KNL1: variants seen among roughly 807,000 people sequenced by gnomAD.
KNL1 encodes kinetochore scaffold 1.
KNL1 carries 66 observed loss-of-function variants against 201.3 expected under a neutral mutation model. The observed-to-expected ratio is 0.33, with a 90% CI of 0.27 to 0.40. KNL1 has a LOEUF of 0.40. Among genes scored for constraint, KNL1 ranks in the 10% least tolerant of loss-of-function variants. The pLI is 1.00. For synonymous variants in KNL1, 895 were observed against 899.2 expected (o/e 1.00, Z 0.08); for missense variants, 2,815 against 2,690.5 (o/e 1.05, Z -1.02).
In KNL1 at chr15:40,620,627, G is replaced by T; in HGVS notation, c.376-13G>T. 6.7e-7 allele frequency: 1 copy of T among 1,502,198 alleles called. No individual in the cohort carries two copies. The highest frequency in any genetic ancestry group is 8.9e-7 in the Non-Finnish European group (1 of 1,119,426). 93.1% of individuals were successfully genotyped at this position (1,502,198 alleles called of 1,614,324 possible). A position where few individuals can be genotyped will look rare whatever the true frequency, so the allele number is the denominator to read the frequency against. On this transcript the variant is annotated splice_polypyrimidine_tract_variant and intron_variant, in intron 9 of 25. Transcript: ENST00000399668. ...CTTTTGTTCTGATCTCTTATATTTT[G>T]CTTTCATTATAGTTTTCAATTATAG...
In KNL1 at chr15:40,663,605, A is replaced by T. The variant is rs1893975035; in HGVS notation, c.*1417A>T. On this transcript the variant is annotated 3_prime_UTR_variant, in exon 26 of 26. Transcript: ENST00000399668. ...CGTCAAACAATGTCACATCCAAAAC[A>T]CTAGTTTCATCAATTTCTAGCAGTA... 5.2e-6 allele frequency: 1 copy of T among 192,558 alleles called. No homozygotes were observed. The highest frequency in any genetic ancestry group is 2.3e-5 in the African/African-American group (1 of 43,086). The allele number at this position is 192,558 out of a possible 1,614,324, so 11.9% of individuals were successfully genotyped here.
At chr15:40,630,202 G>A (rs926831906) in intron 13 of KNL1, among the ~76,000 whole-genome samples, 2 of 152,088 alleles carry the variant, frequency 1.3e-5, no homozygotes, top group African/African-American at 4.8e-5. Context: ...TACAATCAAC[G>A]CTTTCAATTG....
intron 14 of KNL1, among the ~76,000 whole-genome samples, chr15:40,641,782 G>C (rs756740481): frequency 1.3e-4 from 20 of 152,194 alleles, no homozygotes; most frequent in Non-Finnish European, 2.1e-4. Context: ...TCTATATATA[G>C]TGCCTGAAAT....
rs1892508286 is a variant in KNL1, at chr15:40,621,106, T to A, written c.842T>A (p.Met281Lys). The A allele has an allele frequency of 1.9e-6, 3 of 1,613,586 alleles. No individual in the cohort carries two copies. Among genetic ancestry groups the A allele is most frequent in the Non-Finnish European group, 2.5e-6 (3 of 1,179,736 alleles). The change falls in exon 10 of 26, where the codon ATG (methionine) becomes AAG (lysine). Residue 281 changes from methionine to lysine, a missense_variant. Physicochemically the swap from Met to Lys is moderately conservative, Grantham distance 95. Around this residue, in one of 3 missense-constraint regions of KNL1, gnomAD observed 2,464 missense variants for 2,291.7 expected, o/e 1.08. Transcript: ENST00000399668. ...TRLFREKDDG[M>K]NFTQCHTANI... ...CTCTTTAGAGAAAAAGATGATGGGA[T>A]GAATTTCACCCAGTGTCATACAGCC...
intron 1 of KNL1, among the ~76,000 whole-genome samples, chr15:40,599,582 C>T (rs977461805): frequency 1.5e-4 from 22 of 151,678 alleles, no homozygotes; most frequent in African/African-American, 5.1e-4. Context: ...TGGGGTTTTG[C>T]CGTGTTGTCC....
At chr15:40,638,267 G>A (rs1893118966) in intron 13 of KNL1, among the ~76,000 whole-genome samples, 1 of 116,898 alleles carries the variant, frequency 8.6e-6, no homozygotes, top group Admixed American at 8.7e-5. Context: ...AGGGGGAGGG[G>A]GAAGGAAGGG....
Position 40,621,764 on chromosome 15 carries a change from A to G in KNL1, c.1500A>G (p.Lys500=), listed in dbSNP as rs1471691526. 1 of 1,613,916 alleles carries G rather than the reference A, an allele frequency of 6.2e-7. No homozygotes were observed. Among genetic ancestry groups the G allele is most frequent in the East Asian group, 2.2e-5 (1 of 44,890 alleles). Residue 500 remains lysine, a synonymous_variant, in exon 10 of 26, where the codon AAA becomes AAG. Transcript: ENST00000399668. ...HTVAIDNQIF[K]QDQSNVQIAA... The stretch of plus-strand genomic sequence containing the variant: ...TTGCAATAGATAATCAAATTTTTAA[A>G]CAAGATCAATCAAATGTGCAAATAG...
chr15:40,643,549 G>T (rs754758218), intron 14 of KNL1, among the ~76,000 whole-genome samples: 1 of 152,192 alleles, frequency 6.6e-6, no homozygotes, highest in Non-Finnish European at 1.5e-5. Context: ...GGAGGCTAAG[G>T]CAAGAGAATT....
Position 40,621,031 on chromosome 15 carries a change from A to T in KNL1, c.767A>T (p.Gln256Leu), listed in dbSNP as rs757868685. ...KEPNSASSTH[Q>L]MHVSLKEDEN... ...CCGAACAGTGCCTCTTCTACACATC[A>T]AATGCATGTATCTCTTAAGGAAGAT... Residue 256 changes from glutamine (Q) to leucine (L), a missense_variant, in exon 10 of 26, where the codon CAA (glutamine) becomes CTA (leucine). Physicochemically the swap from Gln to Leu is moderately radical, Grantham distance 113. This residue lies in a region of KNL1 where 2,464 missense variants were observed against 2,291.7 expected (regional missense o/e 1.08). Coordinates refer to ENST00000399668, the MANE Select transcript of KNL1 (RefSeq NM_144508.5). 1 of 1,607,660 alleles carries T rather than the reference A, an allele frequency of 6.2e-7. No homozygotes were observed.
Position 40,610,306 on chromosome 15 carries a change from GT to G in KNL1, c.250+11del. On this transcript the variant is annotated intron_variant, in intron 6 of 25. Coordinates refer to ENST00000399668, the MANE Select transcript of KNL1 (RefSeq NM_144508.5). ...AAAGTCAGAAATGGAAGGTAAGTAT[GT>G]TACTATAATTCCTGCTAAATCTGCT... is the stretch of plus-strand genomic sequence containing the variant. 1 of 1,420,248 alleles carries G rather than the reference GT, an allele frequency of 7.0e-7. No individual in the cohort carries two copies. The highest frequency in any genetic ancestry group is 9.9e-7 in the Non-Finnish European group (1 of 1,006,176). 88.0% of individuals were successfully genotyped at this position (1,420,248 alleles called of 1,614,324 possible).
chr15:40,605,014 AC>A, intron 2 of KNL1, 95 bp from the exon 3 acceptor site: 1 of 682,468 alleles, frequency 1.5e-6, no homozygotes. Context: ...GAAAGTGATG[AC>A]CAGTTTGAAA....
intron 17 of KNL1, among the ~76,000 whole-genome samples, chr15:40,649,180 A>AG (rs201789084): frequency 6.6e-6 from 1 of 151,618 alleles, no homozygotes; most frequent in Non-Finnish European, 1.5e-5. Flanking sequence ...AAAAAAAAAA[A>AG]GTCCAAACTT....
intron 7 of KNL1, among the ~76,000 whole-genome samples, chr15:40,613,218 A>G (rs1892229081): frequency 6.6e-6 from 1 of 152,204 alleles, no homozygotes; most frequent in Non-Finnish European, 1.5e-5. Context: ...TATATCATGT[A>G]TTACCACTTG....
intron 13 of KNL1, among the ~76,000 whole-genome samples, chr15:40,635,928 C>T (rs921965341): frequency 2.0e-5 from 3 of 152,140 alleles, no homozygotes; most frequent in African/African-American, 4.8e-5. Flanking sequence ...GTGCACTTCC[C>T]GGGTTCAAGT....
At chr15:40,659,584 C>A (rs1893844275) in intron 25 of KNL1, 123 bp downstream of exon 25, 1 of 786,440 alleles carries the variant, frequency 1.3e-6, no homozygotes. Context: ...CCTCTGCCTC[C>A]CGGGTTCACG....
At chr15:40,635,614 A>G (rs2141740004) in intron 13 of KNL1, among the ~76,000 whole-genome samples, 1 of 152,230 alleles carries the variant, frequency 6.6e-6, no homozygotes, top group Non-Finnish European at 1.5e-5. Context: ...TCAGCTTCCC[A>G]AAGTGCTGGG....
At chr15:40,650,488 T>C in intron 18 of KNL1, 56 bp from the exon 19 acceptor site, 1 of 1,565,444 alleles carries the variant, frequency 6.4e-7, no homozygotes, top group South Asian at 1.2e-5. Context: ...AAACAGATTT[T>C]TGTGGCAACA....
intron 21 of KNL1, 87 bp from the exon 22 acceptor site, chr15:40,654,822 C>A: frequency 1.1e-6 from 1 of 938,656 alleles, no homozygotes; most frequent in Non-Finnish European, 1.7e-6. Flanking sequence ...TGGGCCAAGA[C>A]TGCGCCATTG....
chr15:40,597,223 G>A (rs969280998), intron 1 of KNL1, among the ~76,000 whole-genome samples: 1 of 151,974 alleles, frequency 6.6e-6, no homozygotes, highest in East Asian at 1.9e-4. Flanking sequence ...TTGGGTGCCA[G>A]GTACACAGTT....
Sources: gnomAD v4.1 joint callset for allele counts (sites outside exome capture counted in the v4.1 genomes callset) on GRCh38, gnomAD v4.1.1 for gene constraint, gnomAD v4.1.1 regional missense constraint, MANE v1.5 for transcripts, NCBI Gene and HGNC (gene_info 2026-07-23, HGNC 2026-07-21) for gene names.